DPP10: variants seen among roughly 807,000 people sequenced by gnomAD.
DPP10 encodes the protein inactive dipeptidyl peptidase 10.
A neutral mutation model predicts 120.9 loss-of-function variants in DPP10; 33 were observed. The observed-to-expected ratio is 0.27, with a 90% CI of 0.21 to 0.37. The LOEUF is 0.37. Among genes scored for constraint, DPP10 ranks in the 10% least tolerant of loss-of-function variants. The pLI, the probability that DPP10 is intolerant of heterozygous loss-of-function variation, is 1.00. For synonymous variants in DPP10, 337 were observed against 326.1 expected, an observed-to-expected ratio of 1.03 and a Z score of -0.36; for missense variants, 816 against 942.8, an observed-to-expected ratio of 0.87 and a Z score of 1.76.
chr2:114,448,270 G>T (rs1375635182), intron 1 of DPP10, among the ~76,000 whole-genome samples: 2 of 151,958 alleles, frequency 1.3e-5, no homozygotes, highest in Non-Finnish European at 2.9e-5. Context: ...ATAATTTCAA[G>T]GTAAATTTAA....
intron 1 of DPP10, among the ~76,000 whole-genome samples, chr2:114,946,777 T>G (rs1697376214): frequency 6.6e-6 from 1 of 152,116 alleles, no homozygotes. Flanking sequence ...TGTCAAAGGT[T>G]TGTATCAGGA....
chr2:114,965,255 G>C (rs892489285), intron 1 of DPP10, among the ~76,000 whole-genome samples: 5 of 151,930 alleles, frequency 3.3e-5, no homozygotes, highest in African/African-American at 1.2e-4. Flanking sequence ...TCCTGCCTCC[G>C]CCTCCTGAGT....
chr2:114,843,315 T>A (rs1334733247), intron 1 of DPP10, among the ~76,000 whole-genome samples: 2 of 152,108 alleles, frequency 1.3e-5, no homozygotes, highest in African/African-American at 4.8e-5. Context: ...CTACCAGTGG[T>A]CCCCTGAAGA....
At chr2:114,846,401 C>T (rs1427332718) in intron 1 of DPP10, among the ~76,000 whole-genome samples, 1 of 152,102 alleles carries the variant, frequency 6.6e-6, no homozygotes. Context: ...AAATATGGAT[C>T]TTTAAGAAAC....
chr2:115,607,746 T>C (rs1443860790), intron 5 of DPP10, among the ~76,000 whole-genome samples: 1 of 152,184 alleles, frequency 6.6e-6, no homozygotes, highest in Non-Finnish European at 1.5e-5. Context: ...GTCCAAGATG[T>C]ATGTCCTTGG....
intron 12 of DPP10, among the ~76,000 whole-genome samples, chr2:115,767,051 G>A (rs1356682069): frequency 1.3e-5 from 2 of 152,128 alleles, no homozygotes; most frequent in African/African-American, 2.4e-5. Context: ...AGGAGATGAA[G>A]GATGTCAGAT....
At chr2:114,747,605 C>A (rs1678697357) in intron 1 of DPP10, among the ~76,000 whole-genome samples, 1 of 152,124 alleles carries the variant, frequency 6.6e-6, no homozygotes, top group Admixed American at 6.6e-5. Context: ...AAACCTGAAA[C>A]CATTCCTAAG....
At chr2:114,936,875 C>T (rs545398821) in intron 1 of DPP10, among the ~76,000 whole-genome samples, 1 of 152,216 alleles carries the variant, frequency 6.6e-6, no homozygotes, top group Non-Finnish European at 1.5e-5. Flanking sequence ...TGCTTGTTGA[C>T]CATTTGTATA....
At chr2:114,998,234 T>C (rs1000161748) in intron 1 of DPP10, among the ~76,000 whole-genome samples, 3 of 152,158 alleles carry the variant, frequency 2.0e-5, no homozygotes, top group African/African-American at 7.2e-5. Context: ...ATCAAAAAAA[T>C]GAATAAGTAT....
intron 10 of DPP10, among the ~76,000 whole-genome samples, chr2:115,748,888 T>C (rs1678352613): frequency 6.6e-6 from 1 of 152,206 alleles, no homozygotes; most frequent in South Asian, 2.1e-4. Flanking sequence ...TATTTATGTC[T>C]GATTCAGCTG....
intron 1 of DPP10, among the ~76,000 whole-genome samples, chr2:114,809,317 T>C (rs1296606715): frequency 6.6e-6 from 1 of 152,216 alleles, no homozygotes; most frequent in African/African-American, 2.4e-5. Flanking sequence ...CCCACCTGAC[T>C]GTCCTCATTA....
At chr2:115,698,594 T>C (rs1234088981) in intron 7 of DPP10, among the ~76,000 whole-genome samples, 1 of 152,182 alleles carries the variant, frequency 6.6e-6, no homozygotes, top group Non-Finnish European at 1.5e-5. Context: ...TTGCTGTCAC[T>C]CTCTTTCACT....
chr2:115,571,969 C>T (rs1240103733), intron 5 of DPP10, among the ~76,000 whole-genome samples: 2 of 152,008 alleles, frequency 1.3e-5, no homozygotes, highest in Admixed American at 6.6e-5. Context: ...TGAACAATTA[C>T]ATCACTCAAT....
chr2:115,124,130 TG>T (rs1049639387), intron 1 of DPP10, among the ~76,000 whole-genome samples: 1 of 151,984 alleles, frequency 6.6e-6, no homozygotes, highest in Non-Finnish European at 1.5e-5. Flanking sequence ...TATGTAAAAG[TG>T]GGGCTCTTGC....
At chr2:115,526,147 T>A (rs2078123620) in intron 5 of DPP10, 175 bp downstream of exon 5, 1 of 518,676 alleles carries the variant, frequency 1.9e-6, no homozygotes, top group African/African-American at 2.0e-5. Flanking sequence ...CCAAACATCT[T>A]CCATATCTGC....
chr2:115,234,001 A>AGTG (rs2057872207), intron 1 of DPP10: 2 of 513,012 alleles, frequency 3.9e-6, no homozygotes, highest in African/African-American at 3.9e-5. Flanking sequence ...AAATGGAGGT[A>AGTG]GTGGGGGAAA....
At chr2:114,451,091 T>C (rs1678248439) in intron 1 of DPP10, among the ~76,000 whole-genome samples, 1 of 148,300 alleles carries the variant, frequency 6.7e-6, no homozygotes, top group Non-Finnish European at 1.5e-5. Flanking sequence ...GGCCCTTTAT[T>C]TGATTTTTTT....
chr2:115,745,357 C>T lies in DPP10; in HGVS notation c.853-729C>T, dbSNP rs62155345. 3.6e-3 allele frequency among the ~76,000 whole-genome samples: 541 copies of T among 150,522 alleles called. 10 individuals carry two copies. The highest frequency in any genetic ancestry group is 0.011 in the South Asian group (54 of 4,788). ...TTTAGTGCCTACTATGTGCCAGAAACGTACCAACTACTATGCCTGCTAGTT... is the reference window on the plus strand; with the variant it reads ...TTTAGTGCCTACTATGTGCCAGAAATGTACCAACTACTATGCCTGCTAGTT... On this transcript the variant is annotated intron_variant, in intron 9 of 25. Coordinates refer to ENST00000410059, the MANE Select transcript of DPP10 (RefSeq NM_020868.6).
chr2:114,656,394 G>T (rs1696970420), intron 1 of DPP10, among the ~76,000 whole-genome samples: 1 of 152,040 alleles, frequency 6.6e-6, no homozygotes, highest in African/African-American at 2.4e-5. Flanking sequence ...GTGATTTGCA[G>T]AAGATAAAAA....
Sources: allele counts gnomAD v4.1 joint callset (sites outside exome capture counted in the v4.1 genomes callset), GRCh38; gene constraint gnomAD v4.1.1; transcripts MANE v1.5; gene names NCBI Gene and HGNC (gene_info 2026-07-23, HGNC 2026-07-21).